Variants in GALNT18 observed in about 807,000 individuals in gnomAD.
GALNT18 encodes polypeptide N-acetylgalactosaminyltransferase 18.
A neutral mutation model predicts 69.5 loss-of-function variants in GALNT18; 44 were observed. The ratio of observed to expected loss-of-function variants is 0.63; its 90% confidence interval spans 0.50 to 0.81. The LOEUF is 0.81. GALNT18 is among the 40% of genes least tolerant of loss of function. The pLI, the probability that GALNT18 is intolerant of heterozygous loss-of-function variation, is 0.00. For synonymous variants in GALNT18, 364 were observed against 318.2 expected (o/e 1.14, Z -1.53); for missense variants, 715 against 810.0 (o/e 0.88, Z 1.42).
In GALNT18 at chr11:11,377,777, G is replaced by A. The variant is rs1161708912; in HGVS notation, c.780-398C>T. ...GGCTTTGATTTTGCTAAAATTCTAT[G>A]TGTCAACCTGGAGGAAAAGACAGAT... On this transcript the variant is annotated intron_variant, in intron 4 of 10. Coordinates refer to ENST00000227756, the MANE Select transcript of GALNT18 (RefSeq NM_198516.3). The surrounding 1 kb of genome is among the most constrained non-coding windows in gnomAD (Gnocchi z 4.6). Among the ~76,000 whole-genome samples, 1 of 152,170 alleles carries A rather than the reference G, an allele frequency of 6.6e-6. No homozygotes were observed. Among genetic ancestry groups the A allele is most frequent in the Non-Finnish European group, 1.5e-5 (1 of 68,036 alleles).
intron 1 of GALNT18, among the ~76,000 whole-genome samples, chr11:11,453,588 T>C (rs571748028): frequency 2.6e-4 from 40 of 152,352 alleles, no homozygotes; most frequent in African/African-American, 8.2e-4. Context: ...TGTTGAATTG[T>C]AGCTCCTATA....
At chr11:11,284,029 C>T (rs976641442) in intron 10 of GALNT18, among the ~76,000 whole-genome samples, 1 of 152,162 alleles carries the variant, frequency 6.6e-6, no homozygotes, top group African/African-American at 2.4e-5. Flanking sequence ...CTCTGTGCCC[C>T]GCCTTGGCCA....
intron 6 of GALNT18, among the ~76,000 whole-genome samples, chr11:11,346,388 G>A (rs893057678): frequency 1.3e-5 from 2 of 152,256 alleles, no homozygotes; most frequent in African/African-American, 2.4e-5. Context: ...CTAGCTCAGC[G>A]GGATGCCCTA....
intron 10 of GALNT18, among the ~76,000 whole-genome samples, chr11:11,288,490 T>A (rs1849236621): frequency 6.6e-6 from 1 of 152,176 alleles, no homozygotes; most frequent in Admixed American, 6.5e-5. Flanking sequence ...TCGGTTTCTG[T>A]TCTCATCATT....
At position 11,356,579 on chromosome 11, in the gene GALNT18, G is replaced by T. The variant is rs531466639; in HGVS notation, c.1093-15575C>A. Among the ~76,000 whole-genome samples, 21 of 152,184 alleles carry T rather than the reference G, an allele frequency of 1.4e-4. No homozygotes were observed. The highest frequency in any genetic ancestry group is 2.6e-4 in the Admixed American group (4 of 15,292). The stretch of plus-strand genomic sequence containing the variant: ...AGTCTATAATCAAAGTTCACCAATT[G>T]TCCCAATCAAAGCCTTTATAGCTAT... On this transcript the variant is annotated intron_variant, in intron 6 of 10. Coordinates refer to ENST00000227756, the MANE Select transcript of GALNT18 (RefSeq NM_198516.3). This position sits in a 1 kb window ranked among gnomAD's most constrained non-coding sequence, Gnocchi z 4.4.
At chr11:11,450,545 C>A (rs915729987) in intron 1 of GALNT18, among the ~76,000 whole-genome samples, 2 of 152,184 alleles carry the variant, frequency 1.3e-5, no homozygotes, top group Admixed American at 1.3e-4. Flanking sequence ...ATCCTGAAAG[C>A]AGAGATGCCA....
In GALNT18 at chr11:11,562,327, G is replaced by A. The variant is rs1426590503; in HGVS notation, c.235+59032C>T. ...AGTGTGTGTCTGTCTGCGTGTCCAT[G>A]TTTCCCCTTTAGATGTGCACACCCG... is the stretch of plus-strand genomic sequence containing the variant. On this transcript the variant is annotated intron_variant, in intron 1 of 10. Coordinates refer to ENST00000227756, the MANE Select transcript of GALNT18 (RefSeq NM_198516.3). This position sits in a 1 kb window ranked among gnomAD's most constrained non-coding sequence, Gnocchi z 4.1. 1.3e-5 allele frequency among the ~76,000 whole-genome samples: 2 copies of A among 152,052 alleles called. No individual in the cohort carries two copies. The highest frequency in any genetic ancestry group is 2.9e-5 in the Non-Finnish European group (2 of 68,020).
chr11:11,273,606 A>T (rs1167169492), intron 10 of GALNT18, among the ~76,000 whole-genome samples: 1 of 152,218 alleles, frequency 6.6e-6, no homozygotes, highest in Non-Finnish European at 1.5e-5. Context: ...AATGAAAATT[A>T]TTACAGCTAC....
In GALNT18 at chr11:11,271,555, A is replaced by G. The variant is rs1027187701; in HGVS notation, c.1678-265T>C. 2.8e-5 allele frequency among the ~76,000 whole-genome samples: 4 copies of G among 142,580 alleles called. No individual in the cohort carries two copies. In the Admixed American group the frequency reaches 2.9e-4, roughly 10 times the overall value. The allele number at this position is 142,580 out of a possible 152,430, so 93.5% of individuals were successfully genotyped here. ...TCCCCACCCCTAGGTAGTTCTGTCT[A>G]CCTAGCTGGGCTGTGGTACACCTGT... On this transcript the variant is annotated intron_variant, in intron 10 of 10. Coordinates refer to ENST00000227756, the MANE Select transcript of GALNT18 (RefSeq NM_198516.3).
At chr11:11,409,645 T>C (rs553054098) in intron 3 of GALNT18, among the ~76,000 whole-genome samples, 10 of 136,808 alleles carry the variant, frequency 7.3e-5, no homozygotes, top group African/African-American at 2.7e-4. Flanking sequence ...GGCAGCTCCA[T>C]GCAGGAATCT....
chr11:11,479,890 C>T (rs564112355), intron 1 of GALNT18, among the ~76,000 whole-genome samples: 1 of 152,266 alleles, frequency 6.6e-6, no homozygotes, highest in East Asian at 1.9e-4. Flanking sequence ...TAGCTATGCT[C>T]TCATCAATGT....
intron 2 of GALNT18, among the ~76,000 whole-genome samples, chr11:11,438,720 C>T (rs186484305): frequency 6.6e-5 from 10 of 152,228 alleles, no homozygotes; most frequent in Non-Finnish European, 1.3e-4. Context: ...GTGTCATTGG[C>T]AACCCAGAGA....
intron 6 of GALNT18, among the ~76,000 whole-genome samples, chr11:11,357,096 C>G (rs545243150): frequency 6.6e-6 from 1 of 151,952 alleles, no homozygotes; most frequent in African/African-American, 2.4e-5. Context: ...CTTGGGGTAC[C>G]GAAATGTCCT....
intron 1 of GALNT18, among the ~76,000 whole-genome samples, chr11:11,561,874 C>G (rs976171713): frequency 6.6e-6 from 1 of 152,210 alleles, no homozygotes; most frequent in Admixed American, 6.5e-5. Context: ...ACCACACACC[C>G]TCCCATTTCA....
chr11:11,476,124 G>A (rs551785203), intron 1 of GALNT18: 1 of 152,212 alleles, frequency 6.6e-6, no homozygotes, highest in East Asian at 1.9e-4. Context: ...ATTAGTTCAA[G>A]AATGATATTT....
intron 3 of GALNT18, among the ~76,000 whole-genome samples, chr11:11,411,574 C>A (rs1854727870): frequency 6.6e-6 from 1 of 152,230 alleles, no homozygotes; most frequent in Non-Finnish European, 1.5e-5. Context: ...GAAAGGCCAA[C>A]TGGGGCAGAC....
At chr11:11,290,913 C>T (rs576643820) in intron 10 of GALNT18, among the ~76,000 whole-genome samples, 14 of 152,312 alleles carry the variant, frequency 9.2e-5, no homozygotes, top group South Asian at 2.1e-4. Flanking sequence ...CTCACCTCCA[C>T]GGAGCCCGGA....
At chr11:11,386,807 C>T (rs905138830) in intron 3 of GALNT18, among the ~76,000 whole-genome samples, 17 of 152,160 alleles carry the variant, frequency 1.1e-4, no homozygotes, top group Admixed American at 8.5e-4. Flanking sequence ...TCCAACTAGG[C>T]TGTCCCCAGA....
intron 1 of GALNT18, among the ~76,000 whole-genome samples, chr11:11,550,889 G>A (rs192763903): frequency 4.6e-5 from 7 of 152,268 alleles, no homozygotes; most frequent in Admixed American, 6.5e-5. Context: ...GGAGTTACAC[G>A]AATAAGCCAA....
Sources: gnomAD v4.1 joint callset for allele counts (sites outside exome capture counted in the v4.1 genomes callset) on GRCh38, gnomAD v4.1.1 for gene constraint, Gnocchi (gnomAD v3.1) non-coding constraint, MANE v1.5 for transcripts, NCBI Gene and HGNC (gene_info 2026-07-23, HGNC 2026-07-21) for gene names.